The following LRRK2 variants were observed in gnomAD, a reference collection of about 807,000 sequenced individuals.
The protein encoded by LRRK2 is leucine-rich repeat serine/threonine-protein kinase 2.
A neutral mutation model predicts 302.6 loss-of-function variants in LRRK2; 203 were observed. The observed-to-expected ratio is 0.67, with a 90% CI of 0.60 to 0.75. The LOEUF (loss-of-function observed/expected upper bound fraction) is 0.75, where lower values mean the gene tolerates loss of function less well. LRRK2 is among the 30% of genes least tolerant of loss of function. The pLI, the probability that LRRK2 is intolerant of heterozygous loss-of-function variation, is 0.00. For synonymous variants in LRRK2, 1,066 were observed against 1,031.9 expected, an observed-to-expected ratio of 1.03 and a Z score of -0.63; for missense variants, 2,830 against 2,951.0, an observed-to-expected ratio of 0.96 and a Z score of 0.95.
At chr12:40,345,318 A>G (rs543904377) in intron 41 of LRRK2, among the ~76,000 whole-genome samples, 1 of 152,130 alleles carries the variant, frequency 6.6e-6, no homozygotes, top group Non-Finnish European at 1.5e-5. Flanking sequence ...TTAAGCCTAA[A>G]GAACAGTTGA....
At chr12:40,254,761 G>C (rs532922402) in intron 11 of LRRK2, among the ~76,000 whole-genome samples, 11 of 152,162 alleles carry the variant, frequency 7.2e-5, no homozygotes, top group African/African-American at 2.7e-4. Context: ...TGATGTCTTT[G>C]TTCAGTTTTC....
At chr12:40,266,594 C>T (rs10878291) in intron 14 of LRRK2, among the ~76,000 whole-genome samples, 130,775 of 151,916 alleles carry the variant, frequency 0.86, 56,300 homozygotes, top group Middle Eastern at 0.91. Flanking sequence ...GACAGTGTGG[C>T]GATTCCTCAG....
chr12:40,322,358 C>G lies in LRRK2; in HGVS notation c.5357C>G (p.Ser1786Cys). 1 of 1,613,554 alleles carries G rather than the reference C, an allele frequency of 6.2e-7. No individual in the cohort carries two copies. The highest frequency in any genetic ancestry group is 8.5e-7 in the Non-Finnish European group (1 of 1,179,674). Residue 1786 changes from serine (S) to cysteine (C), a missense_variant, in exon 37 of 51, where the codon TCT becomes TGT. Physicochemically the swap from Ser to Cys is moderately radical, Grantham distance 112. This residue lies in a region of LRRK2 where 2,121 missense variants were observed against 2,148.0 expected (regional missense o/e 0.99). Transcript: ENST00000298910. ...GGCCAAGTTGTGGACCACATTGATT[C>G]TCTCATGGAAGAATGGTTTCCTGGG... Reference protein sequence around the residue: ...LLGQVVDHIDSLMEEWFPGLL... With the variant: ...LLGQVVDHIDCLMEEWFPGLL...
chr12:40,362,024 T>C (rs1257567300), intron 47 of LRRK2, among the ~76,000 whole-genome samples: 3 of 152,120 alleles, frequency 2.0e-5, no homozygotes, highest in African/African-American at 7.2e-5. Context: ...TATTTAGCAT[T>C]TGTACATGTT....
At chr12:40,287,947 A>C (rs1243674120) in intron 20 of LRRK2, among the ~76,000 whole-genome samples, 1 of 151,930 alleles carries the variant, frequency 6.6e-6, no homozygotes, top group Non-Finnish European at 1.5e-5. Context: ...GCAAACAGGA[A>C]GCGCTTAATA....
At position 40,297,628 on chromosome 12, in the gene LRRK2, G is replaced by C. The variant is rs7957061; in HGVS notation, c.3097-615G>C. On this transcript the variant is annotated intron_variant, in intron 23 of 50. Coordinates refer to ENST00000298910, the MANE Select transcript of LRRK2 (RefSeq NM_198578.4). Reference sequence around the variant, plus strand: ...TAAAGAAGACCATAGAGAAGTGATTGATTTTGGTATTTTAGCTCTTTGAGA... The same window carrying C: ...TAAAGAAGACCATAGAGAAGTGATTCATTTTGGTATTTTAGCTCTTTGAGA... Among the ~76,000 whole-genome samples, 553 of 152,156 alleles carry C rather than the reference G, an allele frequency of 3.6e-3. 4 individuals carry two copies. Among genetic ancestry groups the C allele is most frequent in the African/African-American group, 0.013 (521 of 41,530 alleles).
chr12:40,315,254 A>C lies in LRRK2; in HGVS notation c.4781A>C (p.Asp1594Ala). 6.2e-7 allele frequency: 1 copy of C among 1,612,730 alleles called. No individual in the cohort carries two copies. Among genetic ancestry groups the C allele is most frequent in the Non-Finnish European group, 8.5e-7 (1 of 1,178,962 alleles). The change falls in exon 33 of 51, where the codon GAC (aspartate) becomes GCC (alanine). Residue 1594 changes from aspartate (D) to alanine (A), a missense_variant. By Grantham distance (126) the Asp-to-Ala change is moderately radical. This residue lies in a region of LRRK2 where 2,121 missense variants were observed against 2,148.0 expected (regional missense o/e 0.99). Coordinates refer to ENST00000298910, the MANE Select transcript of LRRK2 (RefSeq NM_198578.4). Reference protein sequence around the residue: ...HFQDPALQLSDLYFVEPKWLC... With the variant: ...HFQDPALQLSALYFVEPKWLC... ...CAAGACCCAGCACTGCAGTTAAGTGACTTGTACTTTGTGGAACCCAAGTGG... is the reference window on the plus strand; with the variant it reads ...CAAGACCCAGCACTGCAGTTAAGTGCCTTGTACTTTGTGGAACCCAAGTGG...
intron 39 of LRRK2, among the ~76,000 whole-genome samples, chr12:40,334,457 C>T (rs1358796558): frequency 1.3e-5 from 2 of 152,178 alleles, no homozygotes; most frequent in Non-Finnish European, 2.9e-5. Context: ...TGACTGGAAG[C>T]TTTACTGATA....
intron 20 of LRRK2, among the ~76,000 whole-genome samples, chr12:40,287,775 ACT>A (rs748521553): frequency 7.0e-4 from 107 of 151,840 alleles, no homozygotes; most frequent in Non-Finnish European, 2.8e-4. Flanking sequence ...CAGGAAACAA[ACT>A]CTGACTAGAC....
chr12:40,272,457 T>A (rs1227330480), intron 14 of LRRK2, among the ~76,000 whole-genome samples: 1 of 152,198 alleles, frequency 6.6e-6, no homozygotes, highest in East Asian at 1.9e-4. Context: ...TGTGTCGACA[T>A]CACAAAGGTT....
chr12:40,246,059 A>G (rs948624528), intron 7 of LRRK2, among the ~76,000 whole-genome samples: 2 of 151,978 alleles, frequency 1.3e-5, no homozygotes, highest in Non-Finnish European at 2.9e-5. Context: ...TATTTTTAAT[A>G]TTCTCCCATC....
At position 40,354,415 on chromosome 12, in the gene LRRK2, T is replaced by A; in HGVS notation, c.6693T>A (p.Asp2231Glu). Reference sequence around the variant, plus strand: ...CTCTCCTGGTCATCAATACCGAAGATGGGAAAAAGAGACATACCCTAGAAA... The same window carrying A: ...CTCTCCTGGTCATCAATACCGAAGAAGGGAAAAAGAGACATACCCTAGAAA... ...SGTLLVINTE[D>E]GKKRHTLEKM... is the part of the protein sequence containing the mutation. The change falls in exon 45 of 51, where the codon GAT (aspartate) becomes GAA (glutamate). Residue 2231 changes from aspartate (D) to glutamate (E), a missense_variant. Asp to Glu is a conservative substitution (Grantham distance 45). Coordinates refer to ENST00000298910, the MANE Select transcript of LRRK2 (RefSeq NM_198578.4). 6.2e-7 allele frequency: 1 copy of A among 1,614,132 alleles called. No homozygotes were observed. Among genetic ancestry groups the A allele is most frequent in the Non-Finnish European group, 8.5e-7 (1 of 1,179,996 alleles).
intron 41 of LRRK2, among the ~76,000 whole-genome samples, chr12:40,344,621 G>C (rs979793005): frequency 3.3e-5 from 5 of 152,150 alleles, no homozygotes; most frequent in Admixed American, 1.3e-4. Flanking sequence ...TCAATAAGGT[G>C]TCTGTAAAAT....
At chr12:40,361,214 C>T (rs1234563021) in intron 47 of LRRK2, among the ~76,000 whole-genome samples, 1 of 135,106 alleles carries the variant, frequency 7.4e-6, no homozygotes, top group Non-Finnish European at 1.6e-5. Flanking sequence ...TTATAAGTTC[C>T]CATGAATGAG....
rs141221000 is a variant in LRRK2 at position 40,232,385 on chromosome 12, T to C, written c.347+2T>C. ...TTGGGAAGTCCTTGGTGTTCACCAG[T>C]AAGTATGATAGATATGTAAAACAAA... On this transcript the variant is annotated splice_donor_variant, in intron 3 of 50. Transcript: ENST00000298910. LOFTEE classifies it high-confidence loss of function. 239 of 1,602,892 alleles carry C rather than the reference T, an allele frequency of 1.5e-4. No homozygotes were observed. The African/African-American group carries it at 2.6e-3, about 18-fold the overall frequency.
At chr12:40,229,986 C>T (rs1941100386) in intron 2 of LRRK2, among the ~76,000 whole-genome samples, 3 of 121,628 alleles carry the variant, frequency 2.5e-5, no homozygotes, top group Middle Eastern at 4.7e-3. Flanking sequence ...TTTTTTTTAC[C>T]ACCAGAAGCT....
chr12:40,316,900 G>A (rs2136865069), intron 33 of LRRK2, among the ~76,000 whole-genome samples: 1 of 152,186 alleles, frequency 6.6e-6, no homozygotes, highest in South Asian at 2.1e-4. Context: ...TAGTTATCAG[G>A]AGGTAACTCA....
At chr12:40,305,089 G>A in intron 27 of LRRK2, 1 of 151,828 alleles carries the variant, frequency 6.6e-6, no homozygotes, top group East Asian at 1.9e-4. Context: ...AACCTTTTTT[G>A]TTTTGCTCCA....
At chr12:40,347,784 G>A (rs1187340343) in intron 42 of LRRK2, among the ~76,000 whole-genome samples, 1 of 152,154 alleles carries the variant, frequency 6.6e-6, no homozygotes, top group Non-Finnish European at 1.5e-5. Context: ...CCAACATGGT[G>A]AAACCCTGTC....
Sources: gnomAD v4.1 joint callset for allele counts (sites outside exome capture counted in the v4.1 genomes callset) on GRCh38, gnomAD v4.1.1 for gene constraint, gnomAD v4.1.1 regional missense constraint, MANE v1.5 for transcripts, NCBI Gene and HGNC (gene_info 2026-07-23, HGNC 2026-07-21) for gene names.